The following ZFP90 variants were observed in gnomAD, a reference collection of about 807,000 sequenced individuals.
The protein encoded by ZFP90 is ZFP90 zinc finger protein, also known as zinc finger protein 90 homolog.
Under a neutral mutation model 60.8 loss-of-function variants are expected in ZFP90, and 38 were observed. The observed-to-expected ratio is 0.62, with a 90% CI of 0.48 to 0.82. The LOEUF (loss-of-function observed/expected upper bound fraction) is 0.82, where lower values mean the gene tolerates loss of function less well. Ranked by LOEUF, ZFP90 falls within the 40% of genes least tolerant of loss-of-function variation. ZFP90 has a pLI of 0.00. For synonymous variants in ZFP90, 287 were observed against 264.8 expected (o/e 1.08, Z -0.82); for missense variants, 711 against 759.1 (o/e 0.94, Z 0.74).
Position 68,547,944 on chromosome 16 carries a change from C to T in ZFP90, c.33+8119C>T, listed in dbSNP as rs569768325. 1.4e-3 allele frequency among the ~76,000 whole-genome samples: 217 copies of T among 151,954 alleles called. 1 individual carries two copies. The highest frequency in any genetic ancestry group is 4.7e-3 in the African/African-American group (193 of 41,422). ...CTGGGTTCAAGCGATTCTCCTGCCTCAGTCTTCCAAGTAGCTGGGATTACA... is the reference window on the plus strand; with the variant it reads ...CTGGGTTCAAGCGATTCTCCTGCCTTAGTCTTCCAAGTAGCTGGGATTACA... On this transcript the variant is annotated intron_variant, in intron 2 of 4. Transcript: ENST00000563169.
chr16:68,561,472 A>G (rs983479627), intron 4 of ZFP90, among the ~76,000 whole-genome samples: 2 of 152,196 alleles, frequency 1.3e-5, no homozygotes, highest in African/African-American at 4.8e-5. Context: ...GATATATACT[A>G]ATATTTATTT....
chr16:68,537,622 G>T (rs891286680), upstream of ZFP90, among the ~76,000 whole-genome samples: 3 of 152,156 alleles, frequency 2.0e-5, no homozygotes, highest in Non-Finnish European at 4.4e-5. Flanking sequence ...TCGGAGTGCT[G>T]TGGTGAAATC....
rs1432677654 is a variant in ZFP90 at position 68,567,018 on chromosome 16, T to C, written c.*2320T>C. 1.0e-6 allele frequency: 1 copy of C among 985,486 alleles called. No individual in the cohort carries two copies. Among genetic ancestry groups the C allele is most frequent in the African/African-American group, 1.7e-5 (1 of 57,238 alleles). The allele number at this position is 985,486 out of a possible 1,614,324, so 61.0% of individuals were successfully genotyped here. A position where few individuals can be genotyped will look rare whatever the true frequency, so the allele number is the denominator to read the frequency against. ...TGGCTCATTGACCAGAAGGCTTTCT[T>C]AGTCCCAACAGCCATGAACCATGCA... On this transcript the variant is annotated 3_prime_UTR_variant, in exon 5 of 5. Transcript: ENST00000563169.
At chr16:68,556,451 A>G (rs1364160173) in intron 2 of ZFP90, among the ~76,000 whole-genome samples, 2 of 152,210 alleles carry the variant, frequency 1.3e-5, no homozygotes, top group East Asian at 3.8e-4. Flanking sequence ...TTGCCCAAAG[A>G]ATATTTATTA....
intron 4 of ZFP90, among the ~76,000 whole-genome samples, chr16:68,559,139 G>C (rs1728787): frequency 0.77 from 116,871 of 152,072 alleles, 44,990 homozygotes; most frequent in East Asian, 0.82. Flanking sequence ...TTGCTTTTCT[G>C]CCTAAGTGAC....
At position 68,566,126 on chromosome 16, in the gene ZFP90, C is replaced by CAG. The variant is rs1247499308; in HGVS notation, c.*1429_*1430insGA. 2 of 984,966 alleles carry CAG rather than the reference C, an allele frequency of 2.0e-6. No homozygotes were observed. Among genetic ancestry groups the CAG allele is most frequent in the Non-Finnish European group, 2.4e-6 (2 of 829,792 alleles). The allele number at this position is 984,966 out of a possible 1,614,324, so 61.0% of individuals were successfully genotyped here. Reference sequence around the variant, plus strand: ...CCAGCCTGAGCAACAGAGCAAGACACACACACATCAATTTATTTTAGTTGT... The same window carrying CAG: ...CCAGCCTGAGCAACAGAGCAAGACACAGACACACATCAATTTATTTTAGTTGT... On this transcript the variant is annotated 3_prime_UTR_variant, in exon 5 of 5. Transcript: ENST00000563169.
At chr16:68,551,244 G>C (rs1298102150) in intron 2 of ZFP90, among the ~76,000 whole-genome samples, 1 of 151,164 alleles carries the variant, frequency 6.6e-6, no homozygotes, top group Non-Finnish European at 1.5e-5. Flanking sequence ...TCTCCAGGAG[G>C]TGTGAGATCT....
At chr16:68,548,557 C>T (rs372810992) in intron 2 of ZFP90, among the ~76,000 whole-genome samples, 2 of 134,824 alleles carry the variant, frequency 1.5e-5, no homozygotes, top group Admixed American at 8.7e-5. Flanking sequence ...ATGGCGCAAT[C>T]TCGGCTCACC....
downstream of ZFP90, among the ~76,000 whole-genome samples, chr16:68,571,195 T>C (rs1250748385): frequency 2.6e-5 from 4 of 152,200 alleles, no homozygotes; most frequent in Non-Finnish European, 1.5e-5. Context: ...AGGGTTGTTT[T>C]GAGGGAAGGG....
chr16:68,559,716 T>A (rs2091407008), intron 4 of ZFP90, among the ~76,000 whole-genome samples: 1 of 151,396 alleles, frequency 6.6e-6, no homozygotes, highest in Non-Finnish European at 1.5e-5. Flanking sequence ...TATAGATATG[T>A]GCCACCACAC....
rs2091534328 is a variant in ZFP90, at chr16:68,566,754, G to T, written c.*2056G>T. On this transcript the variant is annotated 3_prime_UTR_variant, in exon 5 of 5. Transcript: ENST00000563169. ...TCCCTACTGATTGGCTAGGATGCCT[G>T]TCAGGAACTCATTATGCTACTGGTT... 1 of 985,592 alleles carries T rather than the reference G, an allele frequency of 1.0e-6. No individual in the cohort carries two copies. Among genetic ancestry groups the T allele is most frequent in the Non-Finnish European group, 1.2e-6 (1 of 829,946 alleles). The allele number at this position is 985,592 out of a possible 1,614,324, so 61.1% of individuals were successfully genotyped here. A position where few individuals can be genotyped will look rare whatever the true frequency, so the allele number is the denominator to read the frequency against.
At chr16:68,539,562 C>T (rs2090997842) in intron 1 of ZFP90, 83 bp downstream of exon 1, 6 of 537,068 alleles carry the variant, frequency 1.1e-5, no homozygotes, top group South Asian at 1.0e-4. Context: ...GGGGACTGGG[C>T]GTGGCCGGAG....
chr16:68,564,823 A>G lies in ZFP90; in HGVS notation c.*125A>G. 7.1e-7 allele frequency: 1 copy of G among 1,403,090 alleles called. No individual in the cohort carries two copies. The allele number at this position is 1,403,090 out of a possible 1,614,324, so 86.9% of individuals were successfully genotyped here. On this transcript the variant is annotated 3_prime_UTR_variant, in exon 5 of 5. Transcript: ENST00000563169. ...GTGTGTTTATACGTTGTGTGTGGAG[A>G]AAACTGCCAGTAGACAGATTTTTTT...
intron 2 of ZFP90, among the ~76,000 whole-genome samples, chr16:68,552,111 A>G (rs1267625752): frequency 6.6e-6 from 1 of 152,196 alleles, no homozygotes; most frequent in African/African-American, 2.4e-5. Flanking sequence ...TACATCTGGA[A>G]GAAGGATGAG....
chr16:68,558,436 A>G, intron 3 of ZFP90, 37 bp from the exon 4 acceptor site: 1 of 1,596,026 alleles, frequency 6.3e-7, no homozygotes, highest in Non-Finnish European at 8.6e-7. Flanking sequence ...GTCCACTTGC[A>G]CAAACAACCA....
chr16:68,544,940 C>T (rs1024848357), intron 2 of ZFP90, among the ~76,000 whole-genome samples: 3 of 125,270 alleles, frequency 2.4e-5, no homozygotes, highest in Admixed American at 2.1e-4. Flanking sequence ...AGTGCAGTGG[C>T]GTGATTTCGG....
exon 3 of ZFP90, chr16:68,575,936 C>G (rs1342980188): frequency 7.6e-6 from 3 of 393,250 alleles, no homozygotes; most frequent in Non-Finnish European, 1.3e-5. Context: ...ACAAGCCATG[C>G]AAATACTGAC....
intron 2 of ZFP90, among the ~76,000 whole-genome samples, chr16:68,553,740 C>G (rs1300633377): frequency 6.6e-6 from 1 of 152,062 alleles, no homozygotes; most frequent in Non-Finnish European, 1.5e-5. Flanking sequence ...TGCCTCAGCC[C>G]TCCAAGTAGC....
intron 2 of ZFP90, among the ~76,000 whole-genome samples, chr16:68,543,917 A>G (rs558787898): frequency 1.4e-5 from 2 of 145,044 alleles, no homozygotes; most frequent in African/African-American, 2.6e-5. Flanking sequence ...GCAGTGTGCA[A>G]TGTTGTCTCG....
Sources: gnomAD v4.1 joint callset for allele counts (sites outside exome capture counted in the v4.1 genomes callset) on GRCh38, gnomAD v4.1.1 for gene constraint, MANE v1.5 for transcripts, NCBI Gene and HGNC (gene_info 2026-07-23, HGNC 2026-07-21) for gene names.